The following RAD50 variants were observed in gnomAD, a reference collection of about 807,000 sequenced individuals.
RAD50 encodes RAD50 double strand break repair protein.
A neutral mutation model predicts 168.8 loss-of-function variants in RAD50; 132 were observed. The observed-to-expected ratio is 0.78, with a 90% CI of 0.68 to 0.90. The LOEUF is 0.90. RAD50 is among the 40% of genes least tolerant of loss of function. The pLI is 0.00. For synonymous variants in RAD50, 525 were observed against 497.4 expected (o/e 1.06, Z -0.74); for missense variants, 1,347 against 1,534.4 (o/e 0.88, Z 2.04).
chr5:132,607,128 G>A (rs546813367), intron 16 of RAD50, among the ~76,000 whole-genome samples: 39 of 152,324 alleles, frequency 2.6e-4, no homozygotes, highest in Non-Finnish European at 4.7e-4. Flanking sequence ...ACTTGTACTA[G>A]TAAGTAAAGA....
intron 11 of RAD50, chr5:132,593,025 A>G (rs1750732006): frequency 5.6e-6 from 2 of 356,080 alleles, no homozygotes; most frequent in Non-Finnish European, 1.2e-5. Flanking sequence ...CAGTTAGGGC[A>G]TGAAGAAGAT....
At chr5:132,615,864 C>G in intron 19 of RAD50, 139 bp from the exon 20 acceptor site, 1 of 855,116 alleles carries the variant, frequency 1.2e-6, no homozygotes, top group Non-Finnish European at 1.9e-6. Flanking sequence ...TTCCTTCACA[C>G]TGGCTTATTC....
intron 15 of RAD50, 141 bp downstream of exon 15, chr5:132,604,187 C>A: frequency 1.0e-6 from 1 of 989,724 alleles, no homozygotes; most frequent in Non-Finnish European, 1.5e-6. Context: ...TTCTGAAAAG[C>A]ATCACTTCTC....
intron 2 of RAD50, among the ~76,000 whole-genome samples, chr5:132,572,976 AT>A (rs1683158300): frequency 6.6e-6 from 1 of 152,256 alleles, no homozygotes; most frequent in Admixed American, 6.5e-5. Flanking sequence ...GAGAACCATT[AT>A]TTTATATGCC....
chr5:132,611,030 C>T (rs1751073923), intron 19 of RAD50, among the ~76,000 whole-genome samples: 1 of 151,972 alleles, frequency 6.6e-6, no homozygotes, highest in African/African-American at 2.4e-5. Flanking sequence ...AGTAATGAAA[C>T]CAGGAGAGAA....
rs1750621104 is a variant in RAD50 at position 132,587,786 on chromosome 5, CAA to C, written c.885+98_885+99del. ...TTTTGCCATCCACATTGGAAAAAAA[CAA>C]ATACAGATCTTGTTACTTCTATGTA... is the stretch of plus-strand genomic sequence containing the variant. On this transcript the variant is annotated intron_variant, in intron 6 of 24. Coordinates refer to ENST00000378823, the MANE Select transcript of RAD50 (RefSeq NM_005732.4). The C allele has an allele frequency of 9.6e-6, 15 of 1,569,632 alleles. 1 individual carries two copies. In the East Asian group the frequency reaches 3.4e-4, roughly 36 times the overall value.
At chr5:132,557,713 A>G (rs1750031712) in intron 1 of RAD50, among the ~76,000 whole-genome samples, 1 of 152,054 alleles carries the variant, frequency 6.6e-6, no homozygotes, top group African/African-American at 2.4e-5. Flanking sequence ...GTCGCCGCTC[A>G]CTCAGAGTTC....
rs1342521503 is a variant in RAD50, at chr5:132,595,749, G to A, written c.2146G>A (p.Glu716Lys). 6.2e-7 allele frequency: 1 copy of A among 1,613,390 alleles called. No individual in the cohort carries two copies. Among genetic ancestry groups the A allele is most frequent in the African/African-American group, 1.3e-5 (1 of 74,866 alleles). ...TGCTCCAGATAAACTCAAGTCAACA[G>A]AATCAGAGCTAAAAAAAAAGGAAAA... ...RLAPDKLKST[E>K]SELKKKEKRR... The change falls in exon 13 of 25, where the codon GAA becomes AAA. Residue 716 changes from glutamate to lysine, a missense_variant. This residue lies in a region of RAD50 where 635 missense variants were observed against 739.2 expected (regional missense o/e 0.86). Coordinates refer to ENST00000378823, the MANE Select transcript of RAD50 (RefSeq NM_005732.4).
At chr5:132,597,070 C>G (rs1017293013) in intron 13 of RAD50, among the ~76,000 whole-genome samples, 1 of 152,004 alleles carries the variant, frequency 6.6e-6, no homozygotes, top group African/African-American at 2.4e-5. Flanking sequence ...TGATGAGGAG[C>G]CAACCTAAGG....
At chr5:132,568,556 C>T (rs1442181761) in intron 2 of RAD50, among the ~76,000 whole-genome samples, 1 of 152,050 alleles carries the variant, frequency 6.6e-6, no homozygotes, top group African/African-American at 2.4e-5. Context: ...TCAAATTGTT[C>T]AAAACTAAAT....
chr5:132,558,667 C>T (rs1436037864), intron 1 of RAD50, among the ~76,000 whole-genome samples: 3 of 144,876 alleles, frequency 2.1e-5, no homozygotes, highest in Non-Finnish European at 3.0e-5. Context: ...GCCGAGATCA[C>T]GCCATTGCAC....
At chr5:132,576,144 T>G (rs1750397051) in intron 3 of RAD50, among the ~76,000 whole-genome samples, 2 of 152,158 alleles carry the variant, frequency 1.3e-5, no homozygotes, top group Admixed American at 6.5e-5. Context: ...ACACACAGCC[T>G]CCTCCACTAT....
rs2522394 is a variant in RAD50 at position 132,608,437 on chromosome 5, G to A, written c.2719-178G>A. 0.33 allele frequency among the ~76,000 whole-genome samples: 49,660 copies of A among 152,004 alleles called. 10,715 individuals carry two copies. The highest frequency in any genetic ancestry group is 0.62 in the African/African-American group (25,857 of 41,442). On this transcript the variant is annotated intron_variant, in intron 16 of 24. Transcript: ENST00000378823. ...AATCATTCTCTGTGTCTGTTTGCTCGTTTGAAATATAGGACTGAAAATGAT... is the reference window on the plus strand; with the variant it reads ...AATCATTCTCTGTGTCTGTTTGCTCATTTGAAATATAGGACTGAAAATGAT...
chr5:132,571,162 A>C (rs766566360), intron 2 of RAD50, among the ~76,000 whole-genome samples: 1 of 152,246 alleles, frequency 6.6e-6, no homozygotes, highest in Non-Finnish European at 1.5e-5. Context: ...ACAGATCACT[A>C]TAACAGATAC....
At chr5:132,568,786 G>A (rs1055260602) in intron 2 of RAD50, among the ~76,000 whole-genome samples, 2 of 152,200 alleles carry the variant, frequency 1.3e-5, no homozygotes, top group Non-Finnish European at 2.9e-5. Context: ...AAAACAAAAT[G>A]GTAGAGGTAA....
chr5:132,583,690 CTTT>C (rs35842753), intron 5 of RAD50, among the ~76,000 whole-genome samples: 2 of 117,628 alleles, frequency 1.7e-5, no homozygotes, highest in Non-Finnish European at 1.7e-5. Flanking sequence ...TAATTCATTC[CTTT>C]TTTTTTTTTT....
intron 1 of RAD50, among the ~76,000 whole-genome samples, chr5:132,558,350 CTGAT>C (rs1750049154): frequency 6.6e-6 from 1 of 151,932 alleles, no homozygotes; most frequent in East Asian, 1.9e-4. Flanking sequence ...TATTAGTTGT[CTGAT>C]TGTTTGCGAG....
At chr5:132,637,252 T>A (rs769771937) in intron 22 of RAD50, 52 bp downstream of exon 22, 1 of 1,580,244 alleles carries the variant, frequency 6.3e-7, no homozygotes, top group Non-Finnish European at 8.6e-7. Flanking sequence ...TCTCCGCAGC[T>A]CTTCCCCTTA....
chr5:132,579,611 G>A (rs1750468507), intron 4 of RAD50, 109 bp downstream of exon 4: 1 of 1,143,506 alleles, frequency 8.7e-7, no homozygotes, highest in African/African-American at 1.5e-5. Context: ...AAGGTCATCA[G>A]TTACTACCTC....
Sources: gnomAD v4.1 joint callset for allele counts (sites outside exome capture counted in the v4.1 genomes callset) on GRCh38, gnomAD v4.1.1 for gene constraint, gnomAD v4.1.1 regional missense constraint, MANE v1.5 for transcripts, NCBI Gene and HGNC (gene_info 2026-07-23, HGNC 2026-07-21) for gene names.